Variants in HEATR1 observed in about 807,000 individuals in gnomAD.
HEATR1 encodes HEAT repeat-containing protein 1.
In HEATR1, 77 loss-of-function variants were observed where a neutral mutation model predicts 248.2. The ratio of observed to expected loss-of-function variants is 0.31; its 90% CI spans 0.26 to 0.37. The LOEUF is 0.37. HEATR1 is among the 10% of genes least tolerant of loss of function. The pLI, the probability that HEATR1 is intolerant of heterozygous loss-of-function variation, is 1.00. For missense variants in HEATR1, 2,420 were observed against 2,504.9 expected, an observed-to-expected ratio of 0.97 and a Z score of 0.72; for synonymous variants, 897 against 923.1, an observed-to-expected ratio of 0.97 and a Z score of 0.51.
intron 32 of HEATR1, 76 bp downstream of exon 32, chr1:236,564,422 T>C: frequency 7.8e-7 from 1 of 1,287,838 alleles, no homozygotes; most frequent in Non-Finnish European, 1.1e-6. Context: ...TTTACCAAGC[T>C]ACTTCTACTG....
intron 29 of HEATR1, among the ~76,000 whole-genome samples, chr1:236,567,877 C>A (rs959699283): frequency 6.6e-6 from 1 of 152,174 alleles, no homozygotes; most frequent in African/African-American, 2.4e-5. Flanking sequence ...AAGCAGAGCA[C>A]AGAAAAGGCC....
intron 42 of HEATR1, 57 bp from the exon 43 acceptor site, chr1:236,553,796 G>GA: frequency 6.5e-7 from 1 of 1,527,168 alleles, no homozygotes; most frequent in Non-Finnish European, 8.9e-7. Flanking sequence ...TCTTCTGTTT[G>GA]AAAAAATATC....
In HEATR1 at chr1:236,549,543, C is replaced by T. The variant is rs1332382717; in HGVS notation, c.*1359G>A. The T allele has an allele frequency of 1.3e-5, 2 of 152,300 alleles. No individual in the cohort carries two copies. The highest frequency in any genetic ancestry group is 4.1e-4 in the South Asian group (2 of 4,826). The allele number at this position is 152,300 out of a possible 1,614,324, so 9.4% of individuals were successfully genotyped here. A position where few individuals can be genotyped will look rare whatever the true frequency, so the allele number is the denominator to read the frequency against. On this transcript the variant is annotated 3_prime_UTR_variant, in exon 45 of 45. Transcript: ENST00000366582. ...TGTCAATCTTATTTTTTTAAAAGTACTCAGTGTAGAAATCGCTAGCCCTTA... is the reference window on the plus strand; with the variant it reads ...TGTCAATCTTATTTTTTTAAAAGTATTCAGTGTAGAAATCGCTAGCCCTTA...
chr1:236,597,788 T>C (rs958276629), intron 5 of HEATR1, 90 bp downstream of exon 5: 25 of 783,192 alleles, frequency 3.2e-5, no homozygotes, highest in African/African-American at 7.0e-5. Context: ...CAAAGTATCA[T>C]TGTTATTAGG....
At chr1:236,562,879 T>A (rs1663168987) in intron 32 of HEATR1, among the ~76,000 whole-genome samples, 1 of 152,168 alleles carries the variant, frequency 6.6e-6, no homozygotes, top group South Asian at 2.1e-4. Flanking sequence ...TATGTTTGTA[T>A]TATACAGGAA....
In HEATR1 at chr1:236,586,283, C is replaced by T; in HGVS notation, c.1885G>A (p.Gly629Arg). The change falls in exon 15 of 45, where the codon GGA (glycine) becomes AGA (arginine). Residue 629 changes from glycine to arginine, a missense_variant. Gly to Arg is a moderately radical substitution (Grantham distance 125, BLOSUM62 -2). Transcript: ENST00000366582. ...AATAGAGGGTGCAGGGAGCAGATTC[C>T]TGATTTTGATAAATATATAGCAATT... is the stretch of plus-strand genomic sequence containing the variant. ...MKIAIYLSKS[G>R]ICSLHPLLRG... The T allele has an allele frequency of 1.2e-6, 2 of 1,613,206 alleles. No individual in the cohort carries two copies. Among genetic ancestry groups the T allele is most frequent in the South Asian group, 1.1e-5 (1 of 91,026 alleles).
rs112251219 is a variant in HEATR1 at position 236,595,698 on chromosome 1, C to T, written c.957-25G>A. On this transcript the variant is annotated intron_variant, in intron 7 of 44. Transcript: ENST00000366582. ...CCTTTGAAGAAGCAAAAGTACATAT[C>T]GTGTTGACTTTACAAGTTAGACAAT... is the stretch of plus-strand genomic sequence containing the variant. 3.2e-4 allele frequency: 514 copies of T among 1,599,078 alleles called. 4 individuals carry two copies. The African/African-American group carries it at 5.4e-3, about 17-fold the overall frequency.
chr1:236,556,166 T>C lies in HEATR1; in HGVS notation c.5448A>G (p.Thr1816=), dbSNP rs1224147830. The C allele has an allele frequency of 5.6e-6, 9 of 1,613,988 alleles. No individual in the cohort carries two copies. Among genetic ancestry groups the C allele is most frequent in the African/African-American group, 4.0e-5 (3 of 74,890 alleles). Residue 1816 remains threonine, a synonymous_variant, in exon 38 of 45, where the codon ACA becomes ACG. Transcript: ENST00000366582. The part of the protein sequence containing the change: ...LTSLKKTLAT[T]LAPRVLLPAI... ...CGGGCAACAGGACTCGGGGTGCAAG[T>C]GTGGTAGCCAGTGTCTTTTTAAGAG...
intron 29 of HEATR1, among the ~76,000 whole-genome samples, chr1:236,567,143 C>T (rs1024573984): frequency 2.4e-4 from 36 of 152,052 alleles, no homozygotes; most frequent in African/African-American, 8.5e-4. Context: ...GACCCCACCA[C>T]CACTTTTTAA....
chr1:236,582,211 T>C (rs1447698259), intron 19 of HEATR1, among the ~76,000 whole-genome samples: 3 of 151,944 alleles, frequency 2.0e-5, no homozygotes, highest in Admixed American at 2.0e-4. Context: ...TTCATGCCAT[T>C]CTCCTGCCTC....
At position 236,555,317 on chromosome 1, in the gene HEATR1, G is replaced by C. The variant is rs1262459460; in HGVS notation, c.5902C>G (p.Gln1968Glu). 2.5e-6 allele frequency: 4 copies of C among 1,614,160 alleles called. No individual in the cohort carries two copies. Among genetic ancestry groups the C allele is most frequent in the Non-Finnish European group, 2.5e-6 (3 of 1,180,022 alleles). The change falls in exon 41 of 45, where the codon CAG becomes GAG. Residue 1968 changes from glutamine to glutamate, a missense_variant. Transcript: ENST00000366582. ...LVKPFADTLN[Q>E]VNISKTDEAF... ...CCACCTGTTTTGGAGATGTTCACCTGGTTCAAGGTGTCAGCAAAAGGCTTC... is the reference window on the plus strand; with the variant it reads ...CCACCTGTTTTGGAGATGTTCACCTCGTTCAAGGTGTCAGCAAAAGGCTTC...
At chr1:236,597,087 T>C (rs1558192839) in intron 5 of HEATR1, 111 bp from the exon 6 acceptor site, 1 of 898,450 alleles carries the variant, frequency 1.1e-6, no homozygotes, top group East Asian at 2.6e-5. Context: ...ATGGCACCAC[T>C]GTACTCTAGC....
chr1:236,582,308 A>G (rs1663772637), intron 19 of HEATR1, among the ~76,000 whole-genome samples: 3 of 151,756 alleles, frequency 2.0e-5, no homozygotes, highest in Non-Finnish European at 2.9e-5. Context: ...GCGTTTCACC[A>G]TGTTAGCCAG....
In HEATR1 at chr1:236,596,073, T is replaced by C. The variant is rs772609170; in HGVS notation, c.745-29A>G. The C allele has an allele frequency of 7.1e-5, 105 of 1,479,984 alleles. No individual in the cohort carries two copies. In the East Asian group the frequency reaches 2.3e-3, roughly 32 times the overall value. 91.7% of individuals were successfully genotyped at this position (1,479,984 alleles called of 1,614,324 possible). On this transcript the variant is annotated intron_variant, in intron 6 of 44. Transcript: ENST00000366582. ...AATATTTTTTAAATATAAGGAAAAA[T>C]GATAAACCATATTATTTTCTGCTAC... is the stretch of plus-strand genomic sequence containing the variant.
chr1:236,576,826 A>T lies in HEATR1; in HGVS notation c.2879T>A (p.Ile960Asn). 1 of 1,614,032 alleles carries T rather than the reference A, an allele frequency of 6.2e-7. No homozygotes were observed. The highest frequency in any genetic ancestry group is 8.5e-7 in the Non-Finnish European group (1 of 1,179,972). ...SPFYLIIDHLISKAEEITSDA... is the reference protein window; with the variant it reads ...SPFYLIIDHLNSKAEEITSDA... ...TGAAGTGATCTCCTCTGCTTTAGAA[A>T]TCAAATGATCTATTATCAGATAAAA... The change falls in exon 21 of 45, where the codon ATT becomes AAT. Residue 960 changes from isoleucine to asparagine, a missense_variant. By Grantham distance (149) the Ile-to-Asn change is moderately radical. Coordinates refer to ENST00000366582, the MANE Select transcript of HEATR1 (RefSeq NM_018072.6).
chr1:236,598,803 C>T lies in HEATR1; in HGVS notation c.501+680G>A, dbSNP rs989423833. The stretch of plus-strand genomic sequence containing the variant: ...ATCCCCATTTGCCTCCCCCCCTACC[C>T]TGGATCACCATGCCCAACATGCAGT... On this transcript the variant is annotated intron_variant, in intron 4 of 44. Transcript: ENST00000366582. Among the ~76,000 whole-genome samples, 9 of 152,320 alleles carry T rather than the reference C, an allele frequency of 5.9e-5. No individual in the cohort carries two copies. In the South Asian group the frequency reaches 1.2e-3, roughly 21 times the overall value.
Position 236,554,723 on chromosome 1 carries a change from G to A in HEATR1, c.5953C>T (p.Pro1985Ser). Reference sequence around the variant, plus strand: ...TGCAACAGCAAGCAGCACTTTTCAGGGTCATTTTCAGAGTCAAAAAATGCT... The same window carrying A: ...TGCAACAGCAAGCAGCACTTTTCAGAGTCATTTTCAGAGTCAAAAAATGCT... ...DEAFFDSEND[P>S]EKCCLLLQFI... The change falls in exon 42 of 45, where the codon CCT (proline) becomes TCT (serine). Residue 1985 changes from proline (P) to serine (S), a missense_variant. Transcript: ENST00000366582. 1.2e-6 allele frequency: 2 copies of A among 1,611,234 alleles called. No homozygotes were observed. The highest frequency in any genetic ancestry group is 1.3e-5 in the African/African-American group (1 of 74,878).
intron 33 of HEATR1, 99 bp downstream of exon 33, chr1:236,561,126 T>C (rs1663119158): frequency 1.7e-5 from 15 of 868,466 alleles, no homozygotes; most frequent in Non-Finnish European, 2.9e-5. Flanking sequence ...GTGAACCTGG[T>C]TGTAAAGAGT....
chr1:236,568,503 T>C (rs1663332311), intron 29 of HEATR1, among the ~76,000 whole-genome samples: 1 of 152,206 alleles, frequency 6.6e-6, no homozygotes, highest in African/African-American at 2.4e-5. Context: ...GAATTGTTCA[T>C]TCCTTACTGG....
Sources: allele counts gnomAD v4.1 joint callset (sites outside exome capture counted in the v4.1 genomes callset), GRCh38; gene constraint gnomAD v4.1.1; transcripts MANE v1.5; gene names NCBI Gene and HGNC (gene_info 2026-07-23, HGNC 2026-07-21).